Variants in PTPRJ observed in about 807,000 individuals in gnomAD.
The protein encoded by PTPRJ is protein tyrosine phosphatase receptor type J.
A neutral mutation model predicts 141.3 loss-of-function variants in PTPRJ; 129 were observed. The ratio of observed to expected loss-of-function variants is 0.91; its 90% confidence interval spans 0.79 to 1.06. The LOEUF (loss-of-function observed/expected upper bound fraction) is 1.06, where lower values mean the gene tolerates loss of function less well. Among genes scored for constraint, PTPRJ ranks in the 50% least tolerant of loss-of-function variants. The pLI, the probability that PTPRJ is intolerant of heterozygous loss-of-function variation, is 0.00. For synonymous variants in PTPRJ, 610 were observed against 640.5 expected (o/e 0.95, Z 0.72); for missense variants, 1,601 against 1,679.7 (o/e 0.95, Z 0.82).
chr11:48,053,194 T>C (rs1854623454), intron 1 of PTPRJ, among the ~76,000 whole-genome samples: 1 of 98,340 alleles, frequency 1.0e-5, no homozygotes, highest in Admixed American at 1.7e-4. Flanking sequence ...TATATAAAAA[T>C]ATATAAATAT....
chr11:47,989,670 A>G (rs1028884501), intron 1 of PTPRJ, among the ~76,000 whole-genome samples: 2 of 152,020 alleles, frequency 1.3e-5, no homozygotes, highest in Admixed American at 6.5e-5. Flanking sequence ...TTTGTTATCA[A>G]TTTGTATAAG....
rs71045545 is a variant in PTPRJ at position 48,117,540 on chromosome 11, C to CAAAAAAAAAAAAAAAAAAAAAAAAAA, written c.353-3453_353-3428dup. Among the ~76,000 whole-genome samples the CAAAAAAAAAAAAAAAAAAAAAAAAAA allele has an allele frequency of 1.0e-4, 2 of 19,696 alleles. 1 individual carries two copies. The highest frequency in any genetic ancestry group is 1.6e-4 in the Non-Finnish European group (2 of 12,730). 12.9% of individuals were successfully genotyped at this position (19,696 alleles called of 152,430 possible). ...TGGGCAACAGAGCAAGATTCTGTCT[C>CAAAAAAAAAAAAAAAAAAAAAAAAAA]AAAAAAAAAAAAAAAAAAAAAAAAA... On this transcript the variant is annotated intron_variant, in intron 3 of 24. Coordinates refer to ENST00000418331, the MANE Select transcript of PTPRJ (RefSeq NM_002843.4).
rs1857662896 is a variant in PTPRJ, at chr11:48,158,257, A to C, written c.3439-1673A>C. 1.3e-5 allele frequency among the ~76,000 whole-genome samples: 2 copies of C among 152,240 alleles called. No individual in the cohort carries two copies. The highest frequency in any genetic ancestry group is 6.5e-5 in the Admixed American group (1 of 15,290). ...TCTTATAAATCTATCTGTTAGACAA[A>C]CAAAAATGACATAATTACATTAATG... On this transcript the variant is annotated intron_variant, in intron 21 of 24. Transcript: ENST00000418331. This position sits in a 1 kb window ranked among gnomAD's most constrained non-coding sequence, Gnocchi z 4.4.
intron 1 of PTPRJ, among the ~76,000 whole-genome samples, chr11:48,011,342 C>G (rs1291432994): frequency 2.6e-5 from 4 of 152,098 alleles, no homozygotes; most frequent in African/African-American, 9.7e-5. Flanking sequence ...GACTTGGAGG[C>G]AGGAGGTGGC....
chr11:48,055,142 C>T (rs1055532994), intron 1 of PTPRJ, among the ~76,000 whole-genome samples: 8 of 151,872 alleles, frequency 5.3e-5, no homozygotes, highest in Admixed American at 1.3e-4. Context: ...GCTGTGATTG[C>T]GCCACTGCAC....
chr11:48,120,490 A>C (rs370651323), intron 3 of PTPRJ, among the ~76,000 whole-genome samples: 2 of 152,076 alleles, frequency 1.3e-5, no homozygotes, highest in African/African-American at 4.8e-5. Flanking sequence ...CAGTGGCGCG[A>C]TCTTGGCTCA....
intron 18 of PTPRJ, among the ~76,000 whole-genome samples, chr11:48,152,264 C>T (rs1857502218): frequency 3.9e-5 from 6 of 152,140 alleles, no homozygotes; most frequent in Admixed American, 3.9e-4. Context: ...AGTGTCTGTT[C>T]ATATCCTTCG....
chr11:48,116,485 C>T (rs1856569273), intron 3 of PTPRJ, among the ~76,000 whole-genome samples: 1 of 152,198 alleles, frequency 6.6e-6, no homozygotes, highest in African/African-American at 2.4e-5. Context: ...TAGAGGACTT[C>T]CACCACCTTA....
At chr11:48,162,962 TA>T (rs756652508) in intron 22 of PTPRJ, among the ~76,000 whole-genome samples, 10 of 152,198 alleles carry the variant, frequency 6.6e-5, no homozygotes, top group Non-Finnish European at 1.5e-4. Context: ...CTAGGGGACA[TA>T]GTGAATTATG....
At chr11:48,165,497 C>T (rs1055131666) in intron 24 of PTPRJ, among the ~76,000 whole-genome samples, 11 of 152,188 alleles carry the variant, frequency 7.2e-5, no homozygotes, top group Non-Finnish European at 1.6e-4. Flanking sequence ...GTGAATGTTC[C>T]TTGACCAGGA....
intron 1 of PTPRJ, among the ~76,000 whole-genome samples, chr11:48,008,621 A>G (rs888287867): frequency 3.4e-5 from 5 of 147,224 alleles, no homozygotes; most frequent in East Asian, 2.1e-4. Flanking sequence ...CTGGAGTGCA[A>G]TGGTGTGGTC....
At chr11:48,010,615 G>C (rs759318985) in intron 1 of PTPRJ, among the ~76,000 whole-genome samples, 11 of 151,958 alleles carry the variant, frequency 7.2e-5, no homozygotes, top group Admixed American at 2.0e-4. Flanking sequence ...TTGGCGCACT[G>C]CAACCTCCGC....
chr11:48,165,520 A>G (rs1204280880), intron 24 of PTPRJ, among the ~76,000 whole-genome samples: 1 of 152,198 alleles, frequency 6.6e-6, no homozygotes, highest in Non-Finnish European at 1.5e-5. Context: ...AGAGCAGAAT[A>G]TTAATTTTGT....
intron 16 of PTPRJ, 196 bp downstream of exon 16, chr11:48,149,684 G>T: frequency 1.9e-6 from 1 of 537,766 alleles, no homozygotes; most frequent in Non-Finnish European, 3.2e-6. Context: ...TGGCTTCCTT[G>T]TCATGTTCTA....
intron 1 of PTPRJ, among the ~76,000 whole-genome samples, chr11:48,070,447 G>T (rs879395166): frequency 1.3e-5 from 2 of 150,632 alleles, no homozygotes; most frequent in Non-Finnish European, 2.9e-5. Context: ...GTTGCAGTGA[G>T]CTGAGATTGC....
chr11:48,089,322 G>A (rs1429083458), intron 1 of PTPRJ, among the ~76,000 whole-genome samples: 1 of 152,070 alleles, frequency 6.6e-6, no homozygotes, highest in Non-Finnish European at 1.5e-5. Context: ...TTTGAGACTA[G>A]CCCGGGGAAC....
chr11:48,071,538 G>A (rs1482956432), intron 1 of PTPRJ, among the ~76,000 whole-genome samples: 2 of 149,532 alleles, frequency 1.3e-5, no homozygotes, highest in African/African-American at 2.5e-5. Context: ...GGATGGTCTC[G>A]ACCTCGTGAT....
At chr11:47,991,971 A>T (rs959539630) in intron 1 of PTPRJ, among the ~76,000 whole-genome samples, 8 of 152,126 alleles carry the variant, frequency 5.3e-5, no homozygotes, top group Non-Finnish European at 1.0e-4. Flanking sequence ...CAAAAATTAA[A>T]TTTTTTTAAT....
chr11:48,116,229 G>T (rs1241597655), intron 3 of PTPRJ, among the ~76,000 whole-genome samples: 1 of 152,086 alleles, frequency 6.6e-6, no homozygotes, highest in Non-Finnish European at 1.5e-5. Flanking sequence ...GATGGAAAAA[G>T]ATACTCCATG....
Sources: gnomAD v4.1 joint callset for allele counts (sites outside exome capture counted in the v4.1 genomes callset) on GRCh38, gnomAD v4.1.1 for gene constraint, Gnocchi (gnomAD v3.1) non-coding constraint, MANE v1.5 for transcripts, NCBI Gene and HGNC (gene_info 2026-07-23, HGNC 2026-07-21) for gene names.